Variants in CTNNA1 observed in about 807,000 individuals in gnomAD.
CTNNA1 encodes the protein catenin alpha 1, also known as catenin alpha-1.
A neutral mutation model predicts 98.4 loss-of-function variants in CTNNA1; 37 were observed. The ratio of observed to expected loss-of-function variants is 0.38; its 90% confidence interval spans 0.29 to 0.49. The LOEUF is 0.49. CTNNA1 is among the 20% of genes least tolerant of loss of function. The pLI is 0.95. For missense variants in CTNNA1, 761 were observed against 1,147.2 expected (o/e 0.66, Z 4.86); for synonymous variants, 404 against 413.2 (o/e 0.98, Z 0.27).
chr5:138,825,482 G>GTTTTTTTTTTTTTTTTTTTTTTTTTTTTT lies in CTNNA1; in HGVS notation c.858+699_858+700insTTTTTTTTTTTTTTTTTTTTTTTTTTTTT, dbSNP rs756586452. Reference sequence around the variant, plus strand: ...CTTCCAGTAGATGGCAGCAGTATAAGTTTTTTTTTTTTTTTTAGGGCTTTA... The same window carrying GTTTTTTTTTTTTTTTTTTTTTTTTTTTTT: ...CTTCCAGTAGATGGCAGCAGTATAAGTTTTTTTTTTTTTTTTTTTTTTTTTTTTTTTTTTTTTTTTTTTTTAGGGCTTTA... On this transcript the variant is annotated intron_variant, in intron 6 of 17. Coordinates refer to ENST00000302763, the MANE Select transcript of CTNNA1 (RefSeq NM_001903.5). 2.3e-4 allele frequency among the ~76,000 whole-genome samples: 17 copies of GTTTTTTTTTTTTTTTTTTTTTTTTTTTTT among 74,106 alleles called. 6 individuals are homozygous for GTTTTTTTTTTTTTTTTTTTTTTTTTTTTT. Among genetic ancestry groups the GTTTTTTTTTTTTTTTTTTTTTTTTTTTTT allele is most frequent in the African/African-American group, 9.3e-4 (16 of 17,288 alleles). 48.6% of individuals were successfully genotyped at this position (74,106 alleles called of 152,430 possible).
intron 9 of CTNNA1, among the ~76,000 whole-genome samples, chr5:138,900,399 T>C (rs1434475600): frequency 6.6e-6 from 1 of 152,180 alleles, no homozygotes; most frequent in Non-Finnish European, 1.5e-5. Flanking sequence ...CAGTCATTAA[T>C]TTATTATCAA....
intron 10 of CTNNA1, among the ~76,000 whole-genome samples, chr5:138,911,306 T>C (rs1314419167): frequency 6.6e-6 from 1 of 152,106 alleles, no homozygotes; most frequent in Non-Finnish European, 1.5e-5. Context: ...TTTAGGAAAT[T>C]GCAGTACACA....
At chr5:138,770,937 C>T (rs1426754072) in intron 1 of CTNNA1, among the ~76,000 whole-genome samples, 2 of 141,536 alleles carry the variant, frequency 1.4e-5, no homozygotes, top group Non-Finnish European at 3.0e-5. Context: ...GGCGACAGAG[C>T]GAGACTCCGT....
At chr5:138,931,374 A>G (rs538607249) in intron 16 of CTNNA1, among the ~76,000 whole-genome samples, 4 of 152,336 alleles carry the variant, frequency 2.6e-5, no homozygotes, top group Admixed American at 6.5e-5. Context: ...AAATTGTACA[A>G]TACATTTCAT....
chr5:138,807,808 C>T (rs756964788), intron 3 of CTNNA1, among the ~76,000 whole-genome samples: 34 of 152,068 alleles, frequency 2.2e-4, no homozygotes, highest in Middle Eastern at 6.8e-3. Flanking sequence ...AGTGCAGTGG[C>T]GTGTTCTCGG....
rs770254884 is a variant in CTNNA1, at chr5:138,782,049, A to C, written c.105+20A>C. The stretch of plus-strand genomic sequence containing the variant: ...ACACAGGTAAGAATCTGAAAACACA[A>C]ATACATTGTAACATGGTTCTATAGC... On this transcript the variant is annotated intron_variant, in intron 2 of 17. Transcript: ENST00000302763. 138 of 1,602,176 alleles carry C rather than the reference A, an allele frequency of 8.6e-5. No individual in the cohort carries two copies. Among genetic ancestry groups the C allele is most frequent in the Non-Finnish European group, 1.1e-4 (131 of 1,175,366 alleles).
At chr5:138,811,166 G>A (rs374526824) in intron 4 of CTNNA1, among the ~76,000 whole-genome samples, 6,271 of 129,456 alleles carry the variant, frequency 0.048, no homozygotes, top group Non-Finnish European at 0.07. Flanking sequence ...CAGATGGGGC[G>A]GTTGCCAGGC....
chr5:138,925,593 C>T, intron 13 of CTNNA1, 186 bp downstream of exon 13: 1 of 909,898 alleles, frequency 1.1e-6, no homozygotes, highest in Non-Finnish European at 1.6e-6. Context: ...AAGTTAGAGC[C>T]CAAACTTGGG....
intron 17 of CTNNA1, 33 bp from the exon 18 acceptor site, chr5:138,933,757 TGGAGGTCAGGCC>T: frequency 3.1e-6 from 5 of 1,592,178 alleles, no homozygotes; most frequent in African/African-American, 1.3e-5. Context: ...TCCACGAGGC[TGGAGGTCAGGCC>T]GGTGCTTCTT....
At chr5:138,912,415 A>G (rs1269074196) in intron 10 of CTNNA1, among the ~76,000 whole-genome samples, 1 of 152,254 alleles carries the variant, frequency 6.6e-6, no homozygotes, top group Non-Finnish European at 1.5e-5. Flanking sequence ...AAGACAAAAT[A>G]GCCAGAATGA....
intron 5 of CTNNA1, among the ~76,000 whole-genome samples, 155 bp downstream of exon 5, chr5:138,812,457 T>A (rs1156736395): frequency 1.3e-5 from 2 of 152,242 alleles, no homozygotes; most frequent in African/African-American, 2.4e-5. Flanking sequence ...AGTATTGTGC[T>A]GTTAATAAAG....
At chr5:138,863,398 G>T (rs1353528179) in intron 7 of CTNNA1, among the ~76,000 whole-genome samples, 1 of 152,042 alleles carries the variant, frequency 6.6e-6, no homozygotes, top group African/African-American at 2.4e-5. Context: ...ACTACACCTG[G>T]CTAATTTTTG....
chr5:138,804,375 T>TC (rs35402183), intron 3 of CTNNA1, among the ~76,000 whole-genome samples: 105,365 of 151,968 alleles, frequency 0.69, 36,668 homozygotes, highest in East Asian at 0.93. Flanking sequence ...TTTAGTATAT[T>TC]ATTAGGTTGT....
chr5:138,917,943 T>A lies in CTNNA1; in HGVS notation c.1546+45T>A, dbSNP rs746575970. ...GAGAAGTATGTGAAGATGTTCATAA[T>A]TACTTTTGTCTAAGTTGTATTAATG... On this transcript the variant is annotated intron_variant, in intron 11 of 17. Transcript: ENST00000302763. 6.3e-7 allele frequency: 1 copy of A among 1,597,378 alleles called. No individual in the cohort carries two copies. The highest frequency in any genetic ancestry group is 8.6e-7 in the Non-Finnish European group (1 of 1,167,278).
rs1236286223 is a variant in CTNNA1, at chr5:138,776,677, AC to A, written c.-2-5239del. ...GGGCGGCTGGCCGGGCGGGGGGCTG[AC>A]CCCCCCACCTCCCTCCCGGACGGGG... On this transcript the variant is annotated intron_variant, in intron 1 of 17. Coordinates refer to ENST00000302763, the MANE Select transcript of CTNNA1 (RefSeq NM_001903.5). 3.2e-3 allele frequency among the ~76,000 whole-genome samples: 464 copies of A among 143,102 alleles called. 1 individual carries two copies. Among genetic ancestry groups the A allele is most frequent in the African/African-American group, 0.011 (437 of 38,140 alleles). 93.9% of individuals were successfully genotyped at this position (143,102 alleles called of 152,430 possible).
At chr5:138,800,867 T>A (rs1287533888) in intron 3 of CTNNA1, among the ~76,000 whole-genome samples, 1 of 152,092 alleles carries the variant, frequency 6.6e-6, no homozygotes, top group East Asian at 1.9e-4. Context: ...AGCTGCAGAC[T>A]TCAATTCACA....
intron 10 of CTNNA1, among the ~76,000 whole-genome samples, chr5:138,907,612 T>C (rs1211563953): frequency 6.6e-6 from 1 of 152,178 alleles, no homozygotes; most frequent in Non-Finnish European, 1.5e-5. Flanking sequence ...TTTGAGGTAT[T>C]CCCTTCCAAG....
intron 7 of CTNNA1, among the ~76,000 whole-genome samples, chr5:138,842,891 G>T (rs1009111781): frequency 3.3e-5 from 5 of 152,102 alleles, no homozygotes; most frequent in South Asian, 2.1e-4. Flanking sequence ...TTTCATATTG[G>T]CCAACTGTAG....
At position 138,925,321 on chromosome 5, in the gene CTNNA1, C is replaced by T. The variant is rs1580861711; in HGVS notation, c.1813C>T (p.Pro605Ser). The change falls in exon 13 of 18, where the codon CCC becomes TCC. Residue 605 changes from proline (P) to serine (S), a missense_variant. Physicochemically the swap from Pro to Ser is moderately conservative, Grantham distance 74 (BLOSUM62 -1). Around this residue, in one of 6 missense-constraint regions of CTNNA1, gnomAD observed 287 missense variants for 436.0 expected, o/e 0.66. Transcript: ENST00000302763. ...AGCCCTCAGCTCGGACCCTGCCCAG[C>T]CCATGGATGAGAATGAGTTTATCGA... ...VEALSSDPAQ[P>S]MDENEFIDAS... is the part of the protein sequence containing the mutation. The T allele has an allele frequency of 1.2e-6, 2 of 1,614,116 alleles. No individual in the cohort carries two copies. Among genetic ancestry groups the T allele is most frequent in the Non-Finnish European group, 1.7e-6 (2 of 1,180,038 alleles).
Sources: gnomAD v4.1 joint callset for allele counts (sites outside exome capture counted in the v4.1 genomes callset) on GRCh38, gnomAD v4.1.1 for gene constraint, gnomAD v4.1.1 regional missense constraint, MANE v1.5 for transcripts, NCBI Gene and HGNC (gene_info 2026-07-23, HGNC 2026-07-21) for gene names.